The following SAMHD1 variants were observed in gnomAD, a reference collection of about 807,000 sequenced individuals.
The protein encoded by SAMHD1 is SAM and HD domain containing deoxynucleoside triphosphate triphosphohydrolase 1.
In SAMHD1, 54 loss-of-function variants were observed where a neutral mutation model predicts 79.6. The ratio of observed to expected loss-of-function variants is 0.68; its 90% CI spans 0.55 to 0.85. The LOEUF is 0.85. Ranked by LOEUF, SAMHD1 falls within the 40% of genes least tolerant of loss-of-function variation. The probability of loss-of-function intolerance (pLI) is 0.00; values close to 1 mark genes in which losing one functional copy is unlikely to be tolerated. For synonymous variants in SAMHD1, 260 were observed against 264.1 expected (o/e 0.98, Z 0.15); for missense variants, 663 against 782.7 (o/e 0.85, Z 1.82).
At chr20:36,942,621 A>T (rs533978791) in intron 2 of SAMHD1, among the ~76,000 whole-genome samples, 28 of 150,994 alleles carry the variant, frequency 1.9e-4, no homozygotes, top group Admixed American at 9.3e-4. Context: ...ATTGACATGT[A>T]TATTTAACGT....
Position 36,898,430 on chromosome 20 carries a change from A to T in SAMHD1, c.1608+10T>A, listed in dbSNP as rs1467936950. 6.3e-7 allele frequency: 1 copy of T among 1,589,466 alleles called. No individual in the cohort carries two copies. The highest frequency in any genetic ancestry group is 1.1e-5 in the South Asian group (1 of 90,524). The stretch of plus-strand genomic sequence containing the variant: ...CCACTATAGTATATTTGTTTTGCCT[A>T]AGTAGTTACCTGGTTTTTAGTAATC... On this transcript the variant is annotated intron_variant, in intron 14 of 15. Coordinates refer to ENST00000646673, the MANE Select transcript of SAMHD1 (RefSeq NM_015474.4).
At chr20:36,949,755 C>CAAAAAAAAAAAAAAA (rs34682795) in intron 1 of SAMHD1, among the ~76,000 whole-genome samples, 1 of 69,800 alleles carries the variant, frequency 1.4e-5, no homozygotes. Context: ...GACTCTGTCT[C>CAAAAAAAAAAAAAAA]AAAAAAAAAA....
intron 9 of SAMHD1, among the ~76,000 whole-genome samples, chr20:36,915,737 C>CA (rs148641141): frequency 0.025 from 3,027 of 120,262 alleles, 34 homozygotes; most frequent in South Asian, 0.069. Context: ...ACTCCATCTC[C>CA]AAAAAAAAAA....
intron 3 of SAMHD1, among the ~76,000 whole-genome samples, chr20:36,935,728 G>C (rs953631275): frequency 6.6e-6 from 1 of 151,962 alleles, no homozygotes; most frequent in African/African-American, 2.4e-5. Flanking sequence ...GTGCCACTAT[G>C]CCCAGCTAAT....
At chr20:36,934,000 C>T (rs1044858149) in intron 4 of SAMHD1, among the ~76,000 whole-genome samples, 1 of 151,066 alleles carries the variant, frequency 6.6e-6, no homozygotes, top group Non-Finnish European at 1.5e-5. Context: ...GAGCTGAGAT[C>T]GTGCCATTGC....
At chr20:36,893,187 C>T (rs1206577709) in intron 15 of SAMHD1, 121 bp from the exon 16 acceptor site, 13 of 1,270,540 alleles carry the variant, frequency 1.0e-5, no homozygotes, top group Non-Finnish European at 2.2e-6. Flanking sequence ...TCTAGCTGTC[C>T]TCAATCCAGG....
At chr20:36,944,027 G>A (rs1204322993) in intron 2 of SAMHD1, among the ~76,000 whole-genome samples, 2 of 135,216 alleles carry the variant, frequency 1.5e-5, no homozygotes, top group African/African-American at 2.8e-5. Flanking sequence ...GCAGTGAGCC[G>A]AGATCACGCC....
chr20:36,921,813 C>A (rs533584700), intron 6 of SAMHD1, among the ~76,000 whole-genome samples: 5 of 151,818 alleles, frequency 3.3e-5, no homozygotes, highest in African/African-American at 1.2e-4. Context: ...CTCAGCCTCC[C>A]GAGTAGCTGG....
chr20:36,948,318 T>C (rs1031842874), intron 1 of SAMHD1, among the ~76,000 whole-genome samples: 7 of 151,992 alleles, frequency 4.6e-5, no homozygotes, highest in Admixed American at 3.9e-4. Flanking sequence ...AGTGGCGGGA[T>C]CTTGGCTCAC....
intron 4 of SAMHD1, among the ~76,000 whole-genome samples, chr20:36,931,465 A>G (rs942909683): frequency 2.6e-5 from 4 of 152,092 alleles, no homozygotes; most frequent in African/African-American, 4.8e-5. Flanking sequence ...TTGAAGCCCC[A>G]TCTCTACTAA....
At chr20:36,950,208 G>C (rs1016304506) in intron 1 of SAMHD1, among the ~76,000 whole-genome samples, 4 of 151,896 alleles carry the variant, frequency 2.6e-5, no homozygotes, top group African/African-American at 9.7e-5. Context: ...CTGAAACAGA[G>C]AGCCAACCAC....
In SAMHD1 at chr20:36,930,869, C is replaced by T. The variant is rs539358895; in HGVS notation, c.516G>A (p.Gly172=). 6.2e-7 allele frequency: 1 copy of T among 1,609,926 alleles called. No individual in the cohort carries two copies. The stretch of plus-strand genomic sequence containing the variant: ...CGTGAACTAGACATCCTGCTAGATA[C>T]CCCACCCTGCAGAGCAAAAACACAA... ...HNRFEHSLGV[G]YLAGCLVHAL... is the part of the protein sequence containing the mutation. Residue 172 remains glycine, a synonymous_variant, in exon 5 of 16, where the codon GGG becomes GGA. Transcript: ENST00000646673.
intron 13 of SAMHD1, among the ~76,000 whole-genome samples, chr20:36,898,896 G>C (rs1460711205): frequency 2.3e-5 from 3 of 129,324 alleles, no homozygotes; most frequent in Non-Finnish European, 4.7e-5. Flanking sequence ...TGGCGACAGA[G>C]TGAGACTCTG....
At chr20:36,925,753 A>T (rs2063532392) in intron 6 of SAMHD1, among the ~76,000 whole-genome samples, 1 of 152,208 alleles carries the variant, frequency 6.6e-6, no homozygotes, top group African/African-American at 2.4e-5. Flanking sequence ...AGTATTCAAC[A>T]TACATTAGAA....
At chr20:36,897,798 GT>G (rs1412020614) in intron 15 of SAMHD1, 23 bp downstream of exon 15, 1 of 1,614,004 alleles carries the variant, frequency 6.2e-7, no homozygotes, top group Non-Finnish European at 8.5e-7. Context: ...ATTGTGCAAA[GT>G]TTGTGAGTAA....
At chr20:36,948,623 C>T (rs891569048) in intron 1 of SAMHD1, among the ~76,000 whole-genome samples, 4 of 151,178 alleles carry the variant, frequency 2.6e-5, no homozygotes, top group Non-Finnish European at 5.9e-5. Flanking sequence ...AATCCCAGCA[C>T]TTTGGGAGGC....
chr20:36,904,082 G>T, intron 13 of SAMHD1, 75 bp downstream of exon 13: 1 of 1,007,078 alleles, frequency 9.9e-7, no homozygotes, highest in Non-Finnish European at 1.6e-6. Flanking sequence ...AAATGAACAT[G>T]TACTACTTTT....
In SAMHD1 at chr20:36,893,316, T is replaced by C. The variant is rs537371033; in HGVS notation, c.1747-250A>G. 2.5e-5 allele frequency: 14 copies of C among 554,746 alleles called. No individual in the cohort carries two copies. The South Asian group carries it at 2.8e-4, about 11-fold the overall frequency. 34.4% of individuals were successfully genotyped at this position (554,746 alleles called of 1,614,324 possible). ...TCTGCAGAGATGACTGGGAGCAGCA[T>C]ACCACTGCCCACCTCTATGGCCTCC... On this transcript the variant is annotated intron_variant, in intron 15 of 15. Transcript: ENST00000646673.
At chr20:36,927,073 A>G in intron 6 of SAMHD1, 109 bp downstream of exon 6, 1 of 941,164 alleles carries the variant, frequency 1.1e-6, no homozygotes, top group South Asian at 1.3e-5. Flanking sequence ...GGACACTGTA[A>G]TGGGGAAGTA....
Sources: gnomAD v4.1 joint callset for allele counts (sites outside exome capture counted in the v4.1 genomes callset) on GRCh38, gnomAD v4.1.1 for gene constraint, MANE v1.5 for transcripts, NCBI Gene and HGNC (gene_info 2026-07-23, HGNC 2026-07-21) for gene names.